The following CNTNAP5 variants were observed in gnomAD, a reference collection of about 807,000 sequenced individuals.
CNTNAP5 encodes contactin associated protein family member 5.
In CNTNAP5, 72 loss-of-function variants were observed where a neutral mutation model predicts 150.2. That is an observed-to-expected ratio of 0.48 (90% CI 0.40 to 0.58). CNTNAP5 has a LOEUF of 0.58. Among genes scored for constraint, CNTNAP5 ranks in the 20% least tolerant of loss-of-function variants. The probability of loss-of-function intolerance (pLI) is 0.00; values close to 1 mark genes in which losing one functional copy is unlikely to be tolerated. For synonymous variants in CNTNAP5, 672 were observed against 619.8 expected (o/e 1.08, Z -1.25); for missense variants, 1,636 against 1,626.2 (o/e 1.01, Z -0.10).
At chr2:124,700,297 G>A (rs1323044579) in intron 13 of CNTNAP5, among the ~76,000 whole-genome samples, 5 of 152,020 alleles carry the variant, frequency 3.3e-5, no homozygotes, top group African/African-American at 4.8e-5. Flanking sequence ...TATACTATTT[G>A]GATCTTATGA....
Position 124,730,400 on chromosome 2 carries a change from A to T in CNTNAP5, c.2078-16829A>T, listed in dbSNP as rs147402660. Among the ~76,000 whole-genome samples, 1,179 of 151,894 alleles carry T rather than the reference A, an allele frequency of 7.8e-3. 7 individuals are homozygous for T. Among genetic ancestry groups the T allele is most frequent in the Middle Eastern group, 0.045 (13 of 292 alleles). ...ATATGTATTTATTCATTCAATTATT[A>T]TTTAAAGAATTACTGAACTTATAAA... On this transcript the variant is annotated intron_variant, in intron 13 of 23. Coordinates refer to ENST00000682447, the MANE Select transcript of CNTNAP5 (RefSeq NM_001367498.1).
intron 3 of CNTNAP5, among the ~76,000 whole-genome samples, chr2:124,289,915 C>T (rs1241552730): frequency 1.3e-5 from 2 of 152,122 alleles, no homozygotes; most frequent in Non-Finnish European, 2.9e-5. Context: ...TTGAGAAACT[C>T]TACTTGTGGG....
At chr2:124,313,184 G>A (rs905206516) in intron 3 of CNTNAP5, among the ~76,000 whole-genome samples, 3 of 152,114 alleles carry the variant, frequency 2.0e-5, no homozygotes, top group Admixed American at 6.5e-5. Flanking sequence ...CATTCAATTC[G>A]TACCAAAAAT....
Position 124,312,543 on chromosome 2 carries a change from GT to G in CNTNAP5, c.381+70157del, listed in dbSNP as rs199742165. Among the ~76,000 whole-genome samples the G allele has an allele frequency of 3.6e-3, 551 of 151,104 alleles. 7 individuals are homozygous for G. Among genetic ancestry groups the G allele is most frequent in the African/African-American group, 0.013 (516 of 41,124 alleles). On this transcript the variant is annotated intron_variant, in intron 3 of 23. Coordinates refer to ENST00000682447, the MANE Select transcript of CNTNAP5 (RefSeq NM_001367498.1). ...CCACACCCAACTAATTTTTGTGGGG[GT>G]TTTTTTGTTTGTTTATTTGTTTGTT...
intron 1 of CNTNAP5, among the ~76,000 whole-genome samples, chr2:124,071,878 T>C (rs1682313828): frequency 6.6e-6 from 1 of 151,924 alleles, no homozygotes; most frequent in African/African-American, 2.4e-5. Context: ...AAGAGGCCAA[T>C]TTATGAGGCT....
chr2:124,225,131 C>T (rs1388631443), intron 2 of CNTNAP5, among the ~76,000 whole-genome samples: 1 of 152,162 alleles, frequency 6.6e-6, no homozygotes, highest in Non-Finnish European at 1.5e-5. Flanking sequence ...TACACCCTCC[C>T]TCTTCCCCTG....
intron 13 of CNTNAP5, among the ~76,000 whole-genome samples, chr2:124,652,154 G>A (rs1402232056): frequency 6.6e-6 from 1 of 152,172 alleles, no homozygotes; most frequent in African/African-American, 2.4e-5. Context: ...CATCTCTGTA[G>A]CTGAAGGTTT....
At chr2:124,428,157 C>T (rs1315435269) in intron 4 of CNTNAP5, among the ~76,000 whole-genome samples, 1 of 152,132 alleles carries the variant, frequency 6.6e-6, no homozygotes, top group Non-Finnish European at 1.5e-5. Flanking sequence ...CACTTCCACT[C>T]CCTCCTTCTA....
At chr2:124,186,137 C>A (rs1452346204) in intron 1 of CNTNAP5, among the ~76,000 whole-genome samples, 1 of 152,138 alleles carries the variant, frequency 6.6e-6, no homozygotes, top group Admixed American at 6.5e-5. Context: ...GAAATTTTAA[C>A]AAGGTCCCCA....
chr2:124,702,049 T>C (rs1679532556), intron 13 of CNTNAP5, among the ~76,000 whole-genome samples: 1 of 152,062 alleles, frequency 6.6e-6, no homozygotes, highest in South Asian at 2.1e-4. Flanking sequence ...TTATCAGATA[T>C]CTATTTTTAT....
chr2:124,332,769 A>G (rs1042388924), intron 3 of CNTNAP5, among the ~76,000 whole-genome samples: 71 of 152,098 alleles, frequency 4.7e-4, no homozygotes, highest in African/African-American at 1.6e-3. Flanking sequence ...ACTTGCATTT[A>G]GGTCAAATTC....
At chr2:124,151,503 T>C (rs1298384613) in intron 1 of CNTNAP5, among the ~76,000 whole-genome samples, 2 of 152,218 alleles carry the variant, frequency 1.3e-5, no homozygotes, top group Admixed American at 6.5e-5. Flanking sequence ...ATTTTAGACA[T>C]TGTGTTACCG....
chr2:124,241,658 T>C (rs1224815712), intron 2 of CNTNAP5, among the ~76,000 whole-genome samples: 1 of 152,154 alleles, frequency 6.6e-6, no homozygotes, highest in African/African-American at 2.4e-5. Context: ...TGAATGATAC[T>C]CTTCAAAGGC....
chr2:124,357,025 T>G (rs527811866), intron 3 of CNTNAP5, among the ~76,000 whole-genome samples: 2 of 152,228 alleles, frequency 1.3e-5, no homozygotes, highest in Non-Finnish European at 2.9e-5. Flanking sequence ...GGTATCTCAT[T>G]GTGGTTTTGC....
intron 4 of CNTNAP5, among the ~76,000 whole-genome samples, chr2:124,428,913 T>C (rs1393658923): frequency 6.6e-6 from 1 of 152,160 alleles, no homozygotes; most frequent in East Asian, 1.9e-4. Context: ...ATCACACATT[T>C]CCCATCTGCC....
At chr2:124,383,233 C>T (rs1270849642) in intron 3 of CNTNAP5, among the ~76,000 whole-genome samples, 1 of 152,194 alleles carries the variant, frequency 6.6e-6, no homozygotes, top group East Asian at 1.9e-4. Flanking sequence ...TTCCCTGGAG[C>T]TTACAATCTG....
At chr2:124,216,345 T>G (rs990531397) in intron 1 of CNTNAP5, among the ~76,000 whole-genome samples, 6 of 152,164 alleles carry the variant, frequency 3.9e-5, no homozygotes, top group African/African-American at 1.4e-4. Context: ...AAAAATAGAC[T>G]TTTATTGCAT....
At chr2:124,160,530 T>A (rs1247745654) in intron 1 of CNTNAP5, among the ~76,000 whole-genome samples, 3 of 152,016 alleles carry the variant, frequency 2.0e-5, no homozygotes, top group Non-Finnish European at 4.4e-5. Flanking sequence ...TTGCCTTTTT[T>A]TTTTTTAAAG....
chr2:124,236,442 G>T (rs1411022609), intron 2 of CNTNAP5, among the ~76,000 whole-genome samples: 1 of 152,188 alleles, frequency 6.6e-6, no homozygotes, highest in Non-Finnish European at 1.5e-5. Context: ...CCAGCCACAG[G>T]TCCTATTACA....
Sources: gnomAD v4.1 joint callset for allele counts (sites outside exome capture counted in the v4.1 genomes callset) on GRCh38, gnomAD v4.1.1 for gene constraint, MANE v1.5 for transcripts, NCBI Gene and HGNC (gene_info 2026-07-23, HGNC 2026-07-21) for gene names.